GBE1: variants seen among roughly 807,000 people sequenced by gnomAD.
GBE1 encodes the protein 1,4-alpha-glucan branching enzyme 1, also known as 1,4-alpha-glucan-branching enzyme.
In GBE1, 70 loss-of-function variants were observed where a neutral mutation model predicts 88.8. The ratio of observed to expected loss-of-function variants is 0.79; its 90% CI spans 0.65 to 0.96. The LOEUF (loss-of-function observed/expected upper bound fraction) is 0.96. Ranked by LOEUF, GBE1 falls within the 40% of genes least tolerant of loss-of-function variation. The pLI is 0.00. For missense variants in GBE1, 872 were observed against 871.0 expected, an observed-to-expected ratio of 1.00 and a Z score of -0.01; for synonymous variants, 284 against 300.1, an observed-to-expected ratio of 0.95 and a Z score of 0.56.
Position 81,499,242 on chromosome 3 carries a change from G to A in GBE1, c.1935-15C>T. ...CAATTTTGAATGTACAGCTCTTAAGGAATTCACAACAGTTGAGGAGTTGAA... is the reference window on the plus strand; with the variant it reads ...CAATTTTGAATGTACAGCTCTTAAGAAATTCACAACAGTTGAGGAGTTGAA... On this transcript the variant is annotated splice_polypyrimidine_tract_variant and intron_variant, in intron 14 of 15. Transcript: ENST00000429644. The A allele has an allele frequency of 6.9e-7, 1 of 1,459,450 alleles. No individual in the cohort carries two copies. The highest frequency in any genetic ancestry group is 2.3e-5 in the East Asian group (1 of 43,740). 90.4% of individuals were successfully genotyped at this position (1,459,450 alleles called of 1,614,324 possible).
intron 1 of GBE1, among the ~76,000 whole-genome samples, chr3:81,737,123 AT>A (rs564237013): frequency 1.3e-3 from 190 of 151,270 alleles, no homozygotes; most frequent in Non-Finnish European, 2.3e-3. Context: ...ATAATAACAG[AT>A]TTCTCCTGAG....
chr3:81,609,777 T>C (rs1047493256), intron 7 of GBE1, among the ~76,000 whole-genome samples: 1 of 152,178 alleles, frequency 6.6e-6, no homozygotes, highest in African/African-American at 2.4e-5. Context: ...TGGTTGCTAA[T>C]GGTCAAACCT....
chr3:81,542,333 T>C (rs1019520409), intron 12 of GBE1, among the ~76,000 whole-genome samples: 3 of 152,112 alleles, frequency 2.0e-5, no homozygotes, highest in Non-Finnish European at 4.4e-5. Context: ...CAGTCTTTTA[T>C]ATGTATCTTT....
chr3:81,686,046 C>G (rs1056655936), intron 2 of GBE1, among the ~76,000 whole-genome samples: 1 of 152,180 alleles, frequency 6.6e-6, no homozygotes, highest in South Asian at 2.1e-4. Context: ...CTGGTTCCCC[C>G]TCCTTGGGCT....
chr3:81,586,378 T>A (rs1270157848), intron 9 of GBE1, among the ~76,000 whole-genome samples, 188 bp from the exon 10 acceptor site: 2 of 152,216 alleles, frequency 1.3e-5, no homozygotes, highest in Non-Finnish European at 2.9e-5. Flanking sequence ...ATGTTTTCAC[T>A]CCAGGCAAAC....
intron 2 of GBE1, among the ~76,000 whole-genome samples, chr3:81,677,404 T>TA: frequency 6.6e-6 from 1 of 152,220 alleles, no homozygotes. Context: ...AAACAGTTGT[T>TA]AAATATCTGG....
intron 7 of GBE1, among the ~76,000 whole-genome samples, chr3:81,614,751 C>T (rs1704226859): frequency 6.6e-6 from 1 of 152,072 alleles, no homozygotes; most frequent in South Asian, 2.1e-4. Context: ...CCCAGCTACT[C>T]AGGAGGCTGA....
intron 1 of GBE1, among the ~76,000 whole-genome samples, chr3:81,712,709 A>C (rs910299914): frequency 6.6e-6 from 1 of 152,126 alleles, no homozygotes; most frequent in Non-Finnish European, 1.5e-5. Context: ...ATGACGAGTT[A>C]ATGGGTGCAG....
At chr3:81,736,528 C>T (rs1706259364) in intron 1 of GBE1, among the ~76,000 whole-genome samples, 2 of 152,180 alleles carry the variant, frequency 1.3e-5, no homozygotes, top group Non-Finnish European at 2.9e-5. Context: ...CAAGTTACTT[C>T]CAGATTGCTG....
In GBE1 at chr3:81,643,003, A is replaced by G. The variant is rs969343530; in HGVS notation, c.783-13T>C. ...TGTTCCATAACGGCTAACAATGAAG[A>G]ACACAGCAAAAAGAAGATTACATCA... On this transcript the variant is annotated splice_polypyrimidine_tract_variant and intron_variant, in intron 6 of 15. Transcript: ENST00000429644. The G allele has an allele frequency of 3.2e-6, 5 of 1,561,748 alleles. No homozygotes were observed. Among genetic ancestry groups the G allele is most frequent in the Non-Finnish European group, 4.4e-6 (5 of 1,140,484 alleles).
chr3:81,500,509 G>C (rs1451182511), intron 14 of GBE1, among the ~76,000 whole-genome samples: 1 of 152,178 alleles, frequency 6.6e-6, no homozygotes, highest in Non-Finnish European at 1.5e-5. Context: ...GTACAGTTTA[G>C]AGAGTAATGT....
chr3:81,612,607 C>T (rs1559662781), intron 7 of GBE1: 1 of 620,796 alleles, frequency 1.6e-6, no homozygotes, highest in East Asian at 3.9e-5. Context: ...GTTCTGACCT[C>T]TTCTGAAAAA....
At chr3:81,538,089 AATT>A (rs2106873719) in intron 12 of GBE1, among the ~76,000 whole-genome samples, 1 of 152,090 alleles carries the variant, frequency 6.6e-6, no homozygotes, top group East Asian at 1.9e-4. Flanking sequence ...TGCTACAATT[AATT>A]ATTGCTGTGA....
At chr3:81,710,272 T>C (rs1244281273) in intron 1 of GBE1, among the ~76,000 whole-genome samples, 2 of 127,270 alleles carry the variant, frequency 1.6e-5, no homozygotes, top group African/African-American at 6.4e-5. Flanking sequence ...TCTCACTCTG[T>C]TGCCCAGGCT....
chr3:81,686,526 G>A (rs1384942125), intron 2 of GBE1, among the ~76,000 whole-genome samples: 2 of 152,202 alleles, frequency 1.3e-5, no homozygotes, highest in Non-Finnish European at 2.9e-5. Flanking sequence ...GGAGGCTGAG[G>A]TGGGTGGATC....
chr3:81,522,108 T>C (rs1702882058), intron 14 of GBE1, among the ~76,000 whole-genome samples: 1 of 151,360 alleles, frequency 6.6e-6, no homozygotes, highest in African/African-American at 2.4e-5. Flanking sequence ...CTGGAAAGTA[T>C]CATGAGAATC....
At chr3:81,626,959 A>G (rs1329349732) in intron 7 of GBE1, among the ~76,000 whole-genome samples, 1 of 152,132 alleles carries the variant, frequency 6.6e-6, no homozygotes, top group Non-Finnish European at 1.5e-5. Context: ...CATGTATCAC[A>G]CTTCCTAATT....
chr3:81,629,898 G>C (rs1342771512), intron 7 of GBE1, among the ~76,000 whole-genome samples: 1 of 137,280 alleles, frequency 7.3e-6, no homozygotes, highest in East Asian at 2.2e-4. Flanking sequence ...CCCGGTGTGT[G>C]ATCTTCCCCT....
intron 3 of GBE1, among the ~76,000 whole-genome samples, chr3:81,663,326 C>T (rs558172844): frequency 3.3e-5 from 5 of 152,300 alleles, no homozygotes; most frequent in Admixed American, 2.0e-4. Context: ...ACCACATCAG[C>T]GTAAGCAGCT....
Sources: gnomAD v4.1 joint callset for allele counts (sites outside exome capture counted in the v4.1 genomes callset) on GRCh38, gnomAD v4.1.1 for gene constraint, MANE v1.5 for transcripts, NCBI Gene and HGNC (gene_info 2026-07-23, HGNC 2026-07-21) for gene names.